Variants in ZMYM1 observed in about 807,000 individuals in gnomAD.
ZMYM1 encodes the protein zinc finger MYM-type containing 1.
Under a neutral mutation model 60.0 loss-of-function variants are expected in ZMYM1, and 39 were observed. The observed-to-expected ratio is 0.65, with a 90% CI of 0.50 to 0.85. ZMYM1 has a LOEUF of 0.85. Ranked by LOEUF, ZMYM1 falls within the 40% of genes least tolerant of loss-of-function variation. The pLI is 0.00. For synonymous variants in ZMYM1, 413 were observed against 454.0 expected, an observed-to-expected ratio of 0.91 and a Z score of 1.15; for missense variants, 1,171 against 1,309.5, an observed-to-expected ratio of 0.89 and a Z score of 1.63.
intron 1 of ZMYM1, among the ~76,000 whole-genome samples, chr1:35,062,880 T>A (rs1447117558): frequency 6.6e-6 from 1 of 152,206 alleles, no homozygotes; most frequent in African/African-American, 2.4e-5. Flanking sequence ...ATGCCAAACA[T>A]TCTGTCTTTT....
intron 4 of ZMYM1, among the ~76,000 whole-genome samples, chr1:35,100,087 C>T (rs751544116): frequency 6.6e-6 from 1 of 151,994 alleles, no homozygotes; most frequent in Non-Finnish European, 1.5e-5. Flanking sequence ...GATGCAGTTT[C>T]GCCATGTTGG....
chr1:35,105,088 T>C (rs953025287), intron 6 of ZMYM1, among the ~76,000 whole-genome samples: 12 of 151,730 alleles, frequency 7.9e-5, no homozygotes, highest in African/African-American at 2.9e-4. Flanking sequence ...CACAAAAGTA[T>C]TTTTGTTTTT....
chr1:35,107,345 T>C (rs1643926203), intron 6 of ZMYM1, among the ~76,000 whole-genome samples: 1 of 149,726 alleles, frequency 6.7e-6, no homozygotes, highest in Non-Finnish European at 1.5e-5. Context: ...GGCGGGCGCC[T>C]GTAGTCCCAG....
At chr1:35,098,776 A>T (rs1055907445) in intron 4 of ZMYM1, among the ~76,000 whole-genome samples, 3 of 152,160 alleles carry the variant, frequency 2.0e-5, no homozygotes, top group African/African-American at 4.8e-5. Flanking sequence ...GCACTGTGGC[A>T]TGCACCTGTA....
intron 1 of ZMYM1, among the ~76,000 whole-genome samples, chr1:35,069,427 AAATC>A (rs1642031102): frequency 1.3e-5 from 2 of 152,126 alleles, no homozygotes; most frequent in Non-Finnish European, 2.9e-5. Flanking sequence ...GTCCATTTTA[AAATC>A]AGATTATCTG....
intron 1 of ZMYM1, among the ~76,000 whole-genome samples, chr1:35,068,582 A>G (rs1373331673): frequency 1.3e-5 from 2 of 151,116 alleles, no homozygotes; most frequent in Admixed American, 1.3e-4. Flanking sequence ...GGGAAATTCC[A>G]TGAAGAGACA....
At chr1:35,099,950 G>T (rs1288753811) in intron 4 of ZMYM1, among the ~76,000 whole-genome samples, 2 of 152,140 alleles carry the variant, frequency 1.3e-5, no homozygotes, top group Non-Finnish European at 2.9e-5. Context: ...GAGTGCAATG[G>T]TGCAATCTTG....
intron 1 of ZMYM1, among the ~76,000 whole-genome samples, chr1:35,062,033 T>C (rs575561811): frequency 6.6e-6 from 1 of 152,122 alleles, no homozygotes; most frequent in Admixed American, 6.5e-5. Flanking sequence ...GGTTTCACCA[T>C]GTTGGCCAAG....
intron 6 of ZMYM1, among the ~76,000 whole-genome samples, chr1:35,108,959 C>T (rs892250209): frequency 6.6e-6 from 1 of 152,096 alleles, no homozygotes; most frequent in Non-Finnish European, 1.5e-5. Flanking sequence ...ATCTTCCTGC[C>T]TTAGCCTCCC....
intron 1 of ZMYM1, among the ~76,000 whole-genome samples, chr1:35,066,412 G>C (rs1259723267): frequency 6.6e-6 from 1 of 152,126 alleles, no homozygotes; most frequent in Non-Finnish European, 1.5e-5. Context: ...TGGCCAGGCT[G>C]GTCCTGAACT....
intron 1 of ZMYM1, among the ~76,000 whole-genome samples, chr1:35,085,601 C>G (rs6684289): frequency 0.03 from 4,527 of 151,308 alleles, 224 homozygotes; most frequent in African/African-American, 0.099. Flanking sequence ...GCTGTCCTTT[C>G]CTGACCCTGA....
rs1180282575 is a variant in ZMYM1, at chr1:35,114,318, T to C, written c.2488T>C (p.Leu830=). 13 of 1,613,562 alleles carry C rather than the reference T, an allele frequency of 8.1e-6. No homozygotes were observed. Among genetic ancestry groups the C allele is most frequent in the African/African-American group, 1.3e-5 (1 of 74,932 alleles). The part of the protein sequence containing the change: ...IDSLPEIIET[L]EVIASHSSNT... ...CAGTCTTCCAGAGATTATTGAAACA[T>C]TGGAAGTTATAGCAAGCCATTCTTC... Residue 830 remains leucine (L), a synonymous_variant, in exon 10 of 10, where the codon TTG becomes CTG. Coordinates refer to ENST00000359858, the MANE Select transcript of ZMYM1 (RefSeq NM_024772.5).
upstream of ZMYM1, among the ~76,000 whole-genome samples, chr1:35,074,857 T>G (rs561158238): frequency 1.9e-3 from 1 of 520 alleles, no homozygotes; most frequent in African/African-American, 6.7e-3. Flanking sequence ...ACATATATAT[T>G]TTTTTTTTTT....
intron 4 of ZMYM1, among the ~76,000 whole-genome samples, chr1:35,101,854 GAT>G (rs1053137368): frequency 2.6e-5 from 4 of 152,076 alleles, no homozygotes; most frequent in African/African-American, 9.7e-5. Flanking sequence ...TAGGTGTATT[GAT>G]ATTTTCTATA....
intron 4 of ZMYM1, among the ~76,000 whole-genome samples, chr1:35,101,610 A>G (rs1037426392): frequency 6.6e-5 from 10 of 151,092 alleles, no homozygotes; most frequent in African/African-American, 2.4e-4. Context: ...CTATTCCCAC[A>G]CCATTCCTCA....
chr1:35,079,593 G>A (rs558811006), intron 1 of ZMYM1, among the ~76,000 whole-genome samples, 151 bp downstream of exon 1: 8 of 152,186 alleles, frequency 5.3e-5, no homozygotes, highest in South Asian at 4.1e-4. Flanking sequence ...CCAGATGGGG[G>A]TCGGGAACTC....
chr1:35,069,360 G>C (rs181094225), intron 1 of ZMYM1, among the ~76,000 whole-genome samples: 1 of 152,106 alleles, frequency 6.6e-6, no homozygotes, highest in East Asian at 1.9e-4. Flanking sequence ...GTATTTTTTC[G>C]TGTACCTGTT....
chr1:35,075,685 T>C (rs1410173310), upstream of ZMYM1, among the ~76,000 whole-genome samples: 1 of 152,148 alleles, frequency 6.6e-6, no homozygotes, highest in African/African-American at 2.4e-5. Flanking sequence ...AGTTAATATA[T>C]ACACCAATTC....
intron 1 of ZMYM1, among the ~76,000 whole-genome samples, chr1:35,087,812 C>T (rs773103403): frequency 2.0e-5 from 3 of 152,006 alleles, no homozygotes; most frequent in African/African-American, 4.8e-5. Context: ...CCTGTAATCC[C>T]AGCACTTTGG....
Sources: gnomAD v4.1 joint callset for allele counts (sites outside exome capture counted in the v4.1 genomes callset) on GRCh38, gnomAD v4.1.1 for gene constraint, MANE v1.5 for transcripts, NCBI Gene and HGNC (gene_info 2026-07-23, HGNC 2026-07-21) for gene names.